Variants in NWD2 observed in about 807,000 individuals in gnomAD.
NWD2 encodes NACHT and WD repeat domain containing 2.
NWD2 carries 37 observed loss-of-function variants against 132.7 expected under a neutral mutation model. That is an observed-to-expected ratio of 0.28 (90% CI 0.21 to 0.37). The LOEUF (loss-of-function observed/expected upper bound fraction) is 0.37, where lower values mean the gene tolerates loss of function less well. NWD2 is among the 10% of genes least tolerant of loss of function. The pLI is 1.00. For synonymous variants in NWD2, 705 were observed against 803.0 expected, an observed-to-expected ratio of 0.88 and a Z score of 2.06; for missense variants, 1,592 against 2,122.4, an observed-to-expected ratio of 0.75 and a Z score of 4.91.
At chr4:37,292,727 G>A (rs768362017) in intron 1 of NWD2, among the ~76,000 whole-genome samples, 5 of 152,296 alleles carry the variant, frequency 3.3e-5, no homozygotes, top group African/African-American at 4.8e-5. Flanking sequence ...GGGAGTGGCA[G>A]GGGGTTGGAT....
intron 1 of NWD2, among the ~76,000 whole-genome samples, chr4:37,322,060 C>A (rs770393456): frequency 1.6e-4 from 24 of 152,088 alleles, no homozygotes; most frequent in Non-Finnish European, 2.8e-4. Context: ...TAGAGGAGGC[C>A]TTTCTGTTTC....
At chr4:37,254,857 TCAAAA>T (rs1046809261) in intron 1 of NWD2, among the ~76,000 whole-genome samples, 10 of 152,310 alleles carry the variant, frequency 6.6e-5, no homozygotes, top group Middle Eastern at 3.4e-3. Context: ...AATGGCACAC[TCAAAA>T]CAAAGAGCAG....
chr4:37,388,703 TGATATATAA>T (rs1267548377), intron 3 of NWD2, among the ~76,000 whole-genome samples: 1 of 147,430 alleles, frequency 6.8e-6, no homozygotes, highest in African/African-American at 2.5e-5. Flanking sequence ...TATAAATATA[TGATATATAA>T]ATATATATAT....
intron 1 of NWD2, among the ~76,000 whole-genome samples, chr4:37,313,622 G>C (rs562095876): frequency 6.6e-6 from 1 of 150,884 alleles, no homozygotes; most frequent in Non-Finnish European, 1.5e-5. Context: ...TAGCTGTAGG[G>C]ATTTTTGAAG....
intron 1 of NWD2, among the ~76,000 whole-genome samples, chr4:37,323,059 C>T (rs1228844242): frequency 2.0e-5 from 3 of 152,068 alleles, no homozygotes; most frequent in Non-Finnish European, 4.4e-5. Context: ...TGCTCTTGAG[C>T]GAGTTTTCTA....
At chr4:37,398,114 C>G (rs1451263858) in intron 3 of NWD2, among the ~76,000 whole-genome samples, 1 of 152,200 alleles carries the variant, frequency 6.6e-6, no homozygotes, top group Non-Finnish European at 1.5e-5. Flanking sequence ...TCAAAGCACT[C>G]TATTCAAACA....
In NWD2 at chr4:37,367,151, T is replaced by G. The variant is rs113923583; in HGVS notation, c.357+10669T>G. Among the ~76,000 whole-genome samples the G allele has an allele frequency of 8.3e-3, 1,264 of 152,182 alleles. 14 individuals are homozygous for G. Among genetic ancestry groups the G allele is most frequent in the African/African-American group, 0.029 (1,212 of 41,556 alleles). On this transcript the variant is annotated intron_variant, in intron 3 of 6. Transcript: ENST00000309447. ...TACTAAACTTGTGCTCTGACCTCGG[T>G]GGAATTAAAAACTGAAAAATAACTG...
rs1367095815 is a variant in NWD2, at chr4:37,444,428, C to T, written c.2440C>T (p.Pro814Ser). The change falls in exon 7 of 7, where the codon CCC (proline) becomes TCC (serine). Residue 814 changes from proline to serine, a missense_variant. Physicochemically the swap from Pro to Ser is moderately conservative, Grantham distance 74 (BLOSUM62 -1). Around this residue, in one of 7 missense-constraint regions of NWD2, gnomAD observed 1,071 missense variants for 1,398.0 expected, o/e 0.77. Coordinates refer to ENST00000309447, the MANE Select transcript of NWD2 (RefSeq NM_001144990.2). The surrounding 1 kb of genome is among the most constrained non-coding windows in gnomAD (Gnocchi z 4.8). Reference protein sequence around the residue: ...ASFDRQAPDQPWVFQCNPLEP... With the variant: ...ASFDRQAPDQSWVFQCNPLEP... ...CTTTGACAGGCAGGCTCCAGACCAG[C>T]CCTGGGTTTTCCAGTGTAATCCCCT... The T allele has an allele frequency of 6.4e-7, 1 of 1,552,026 alleles. No individual in the cohort carries two copies. Among genetic ancestry groups the T allele is most frequent in the Non-Finnish European group, 8.7e-7 (1 of 1,147,090 alleles).
rs754567548 is a variant in NWD2 at position 37,245,107 on chromosome 4, C to T, written c.40C>T (p.Arg14Ter). The T allele has an allele frequency of 6.5e-7, 1 of 1,547,502 alleles. No homozygotes were observed. The highest frequency in any genetic ancestry group is 8.7e-7 in the Non-Finnish European group (1 of 1,146,630). ...CGCGGGCACCAAGCTGCCCTGTCCC[C>T]GAGACTCTGCGCTCCGGCGGGCGGC... ...AGAGTKLPCP[R>*]DSALRRAAFS... The change falls in exon 1 of 7, where the codon CGA becomes TGA. Residue 14 changes from arginine to a stop codon, truncating the protein, a stop_gained. Transcript: ENST00000309447. LOFTEE classifies it high-confidence loss of function.
intron 2 of NWD2, 55 bp from the exon 3 acceptor site, chr4:37,356,311 T>C: frequency 2.2e-6 from 2 of 925,172 alleles, no homozygotes; most frequent in Admixed American, 3.0e-5. Flanking sequence ...CTTGACATTG[T>C]AAATAAAAAC....
intron 2 of NWD2, among the ~76,000 whole-genome samples, chr4:37,348,295 T>G (rs1719678149): frequency 6.6e-6 from 1 of 152,182 alleles, no homozygotes; most frequent in African/African-American, 2.4e-5. Context: ...ACAAGTTCTT[T>G]AACATACTAA....
rs369486282 is a variant in NWD2 at position 37,285,355 on chromosome 4, G to A, written c.151+40137G>A. Among the ~76,000 whole-genome samples, 31 of 152,040 alleles carry A rather than the reference G, an allele frequency of 2.0e-4. No homozygotes were observed. In the South Asian group the frequency reaches 6.2e-3, roughly 31 times the overall value. On this transcript the variant is annotated intron_variant, in intron 1 of 6. Transcript: ENST00000309447. ...TTGGAATTGTTAGAGAAAACACTGC[G>A]GCTGCCAAAATATATTTGTAAATAA...
At chr4:37,442,747 T>C (rs987546480) in intron 6 of NWD2, among the ~76,000 whole-genome samples, 1 of 152,168 alleles carries the variant, frequency 6.6e-6, no homozygotes, top group Non-Finnish European at 1.5e-5. Flanking sequence ...TTCAAAGTAA[T>C]TTCAGTACTG....
intron 3 of NWD2, among the ~76,000 whole-genome samples, chr4:37,381,376 G>A (rs999509520): frequency 5.9e-5 from 9 of 152,264 alleles, no homozygotes; most frequent in Admixed American, 3.3e-4. Flanking sequence ...GTGGGATATC[G>A]AATCCCATTT....
At chr4:37,271,786 G>A (rs973903474) in intron 1 of NWD2, among the ~76,000 whole-genome samples, 13 of 151,710 alleles carry the variant, frequency 8.6e-5, no homozygotes, top group African/African-American at 2.2e-4. Flanking sequence ...AGTTTATCAT[G>A]CTATTCAGTT....
Position 37,445,887 on chromosome 4 carries a change from T to G in NWD2, c.3899T>G (p.Ile1300Ser). 2 of 1,551,942 alleles carry G rather than the reference T, an allele frequency of 1.3e-6. No homozygotes were observed. Among genetic ancestry groups the G allele is most frequent in the South Asian group, 2.4e-5 (2 of 84,050 alleles). Reference protein sequence around the residue: ...LSLSTSGVLSIWDIDIITAMS... With the variant: ...LSLSTSGVLSSWDIDIITAMS... ...TTATCAACCAGTGGTGTTCTTTCCA[T>G]TTGGGACATAGATATAATCACAGCT... is the stretch of plus-strand genomic sequence containing the variant. The change falls in exon 7 of 7, where the codon ATT becomes AGT. Residue 1300 changes from isoleucine (I) to serine (S), a missense_variant. This residue lies in a region of NWD2 where 1,071 missense variants were observed against 1,398.0 expected (regional missense o/e 0.77). Transcript: ENST00000309447. The surrounding 1 kb of genome is among the most constrained non-coding windows in gnomAD (Gnocchi z 4.7).
chr4:37,364,370 C>T (rs1047859347), intron 3 of NWD2, among the ~76,000 whole-genome samples: 2 of 151,994 alleles, frequency 1.3e-5, no homozygotes, highest in African/African-American at 4.8e-5. Flanking sequence ...AAGCCTGATA[C>T]CACGCATGCG....
rs141809179 is a variant in NWD2, at chr4:37,356,986, C to T, written c.357+504C>T. Among the ~76,000 whole-genome samples, 944 of 152,282 alleles carry T rather than the reference C, an allele frequency of 6.2e-3. 11 individuals are homozygous for T. Among genetic ancestry groups the T allele is most frequent in the African/African-American group, 0.021 (852 of 41,548 alleles). ...TTGTTTCTACAGTGATTTTCAGCTACATGTTCATTATAAGCTAAAGATCGA... is the reference window on the plus strand; with the variant it reads ...TTGTTTCTACAGTGATTTTCAGCTATATGTTCATTATAAGCTAAAGATCGA... On this transcript the variant is annotated intron_variant, in intron 3 of 6. Coordinates refer to ENST00000309447, the MANE Select transcript of NWD2 (RefSeq NM_001144990.2).
intron 2 of NWD2, among the ~76,000 whole-genome samples, chr4:37,350,117 T>G (rs1391248148): frequency 6.6e-6 from 1 of 152,180 alleles, no homozygotes. Context: ...AGTCAGGTAG[T>G]GCAATGCCTC....
Sources: allele counts gnomAD v4.1 joint callset (sites outside exome capture counted in the v4.1 genomes callset), GRCh38; gene constraint gnomAD v4.1.1; regional missense constraint gnomAD v4.1.1; non-coding constraint Gnocchi (gnomAD v3.1); transcripts MANE v1.5; gene names NCBI Gene and HGNC (gene_info 2026-07-23, HGNC 2026-07-21).